PTPRK: variants seen among roughly 807,000 people sequenced by gnomAD.
PTPRK encodes receptor-type tyrosine-protein phosphatase kappa.
A neutral mutation model predicts 178.0 loss-of-function variants in PTPRK; 75 were observed. The observed-to-expected ratio is 0.42, with a 90% CI of 0.35 to 0.51. The LOEUF (loss-of-function observed/expected upper bound fraction) is 0.51. Ranked by LOEUF, PTPRK falls within the 20% of genes least tolerant of loss-of-function variation. The probability of loss-of-function intolerance (pLI) is 0.02; values close to 1 mark genes in which losing one functional copy is unlikely to be tolerated. For missense variants in PTPRK, 1,441 were observed against 1,797.8 expected (o/e 0.80, Z 3.59); for synonymous variants, 637 against 620.6 (o/e 1.03, Z -0.39).
At chr6:128,187,718 A>C (rs1393898512) in intron 6 of PTPRK, among the ~76,000 whole-genome samples, 1 of 152,178 alleles carries the variant, frequency 6.6e-6, no homozygotes, top group Non-Finnish European at 1.5e-5. Flanking sequence ...CAGGCCAAAA[A>C]TGGGGGCAGT....
At chr6:128,320,017 T>C (rs1471407098) in intron 3 of PTPRK, among the ~76,000 whole-genome samples, 1 of 152,196 alleles carries the variant, frequency 6.6e-6, no homozygotes, top group Non-Finnish European at 1.5e-5. Context: ...ATGGCTCAAA[T>C]TTTAATCTGC....
chr6:128,491,008 A>G (rs748306623), intron 1 of PTPRK, among the ~76,000 whole-genome samples: 5 of 152,186 alleles, frequency 3.3e-5, no homozygotes, highest in Non-Finnish European at 5.9e-5. Flanking sequence ...ATACAATCAC[A>G]TTGGGGGTTA....
In PTPRK at chr6:128,005,036, T is replaced by G. The variant is rs374295527; in HGVS notation, c.2494+48A>C. The G allele has an allele frequency of 1.6e-4, 241 of 1,499,058 alleles. No individual in the cohort carries two copies. In the African/African-American group the frequency reaches 2.9e-3, roughly 18 times the overall value. The allele number at this position is 1,499,058 out of a possible 1,614,324, so 92.9% of individuals were successfully genotyped here. ...AAAAGGTATCGTGTAGAATTCAAAG[T>G]GAAATGAGTTGTAACATCATTTATT... On this transcript the variant is annotated intron_variant, in intron 15 of 29. Transcript: ENST00000368226.
intron 7 of PTPRK, among the ~76,000 whole-genome samples, chr6:128,144,878 T>G (rs1184478082): frequency 1.3e-5 from 2 of 152,276 alleles, no homozygotes; most frequent in African/African-American, 4.8e-5. Context: ...TTCATAAATA[T>G]CCATGTGTGG....
intron 7 of PTPRK, among the ~76,000 whole-genome samples, chr6:128,176,658 C>T (rs1283576691): frequency 6.6e-6 from 1 of 151,628 alleles, no homozygotes; most frequent in African/African-American, 2.4e-5. Context: ...TTTTTTTCCC[C>T]TCTGCAGTTT....
At chr6:128,290,319 A>C (rs1478148195) in intron 3 of PTPRK, among the ~76,000 whole-genome samples, 1 of 152,116 alleles carries the variant, frequency 6.6e-6, no homozygotes, top group Non-Finnish European at 1.5e-5. Context: ...CATCCAAAAA[A>C]ACCCACAAAG....
At chr6:128,329,382 A>AACAC (rs149088868) in intron 2 of PTPRK, among the ~76,000 whole-genome samples, 8,330 of 145,606 alleles carry the variant, frequency 0.057, 295 homozygotes, top group South Asian at 0.11. Flanking sequence ...TATATAGATA[A>AACAC]ACACACACAC....
At chr6:128,509,824 G>C (rs144753871) in intron 1 of PTPRK, among the ~76,000 whole-genome samples, 22 of 152,226 alleles carry the variant, frequency 1.4e-4, no homozygotes, top group African/African-American at 5.1e-4. Flanking sequence ...CTCCTGCATA[G>C]ATCTCCAAAG....
chr6:128,053,449 C>T (rs1467655081), intron 13 of PTPRK, among the ~76,000 whole-genome samples: 2 of 152,056 alleles, frequency 1.3e-5, no homozygotes. Flanking sequence ...GACTCCCCAC[C>T]CCCAAGCTCT....
chr6:128,380,824 C>T (rs1837799900), intron 2 of PTPRK, among the ~76,000 whole-genome samples: 3 of 152,166 alleles, frequency 2.0e-5, no homozygotes, highest in Admixed American at 1.3e-4. Context: ...TCGTAGCTAA[C>T]AATCTGGGCA....
intron 1 of PTPRK, among the ~76,000 whole-genome samples, chr6:128,473,261 A>C (rs1406066576): frequency 6.6e-6 from 1 of 152,014 alleles, no homozygotes; most frequent in Non-Finnish European, 1.5e-5. Flanking sequence ...TCATGATGAG[A>C]TTCAGGTAAT....
chr6:128,009,380 A>C, intron 13 of PTPRK, 112 bp from the exon 14 acceptor site: 2 of 939,018 alleles, frequency 2.1e-6, no homozygotes, highest in Non-Finnish European at 3.1e-6. Context: ...TATATTAATA[A>C]AAATAATCCC....
chr6:128,445,687 A>G (rs112260543), intron 1 of PTPRK, among the ~76,000 whole-genome samples: 3,548 of 152,164 alleles, frequency 0.023, 78 homozygotes, highest in African/African-American at 0.059. Flanking sequence ...AAATGTTTTG[A>G]GTTTTCTTGT....
chr6:128,192,964 A>G (rs953097646), intron 6 of PTPRK, among the ~76,000 whole-genome samples: 2 of 151,618 alleles, frequency 1.3e-5, no homozygotes, highest in African/African-American at 4.8e-5. Context: ...GAAGGAAGGA[A>G]AAAACTACGT....
intron 3 of PTPRK, among the ~76,000 whole-genome samples, chr6:128,245,689 C>A (rs1013403853): frequency 3.3e-5 from 5 of 152,104 alleles, no homozygotes; most frequent in Non-Finnish European, 1.5e-5. Flanking sequence ...GGAGGGTGTG[C>A]AATATGTGTG....
intron 17 of PTPRK, among the ~76,000 whole-genome samples, chr6:127,996,181 A>G (rs1777131949): frequency 6.6e-6 from 1 of 152,116 alleles, no homozygotes; most frequent in Non-Finnish European, 1.5e-5. Flanking sequence ...ATAATATCGA[A>G]CAACTGGAGT....
Position 127,976,676 on chromosome 6 carries a change from C to T in PTPRK, c.3950G>A (p.Arg1317Lys). The T allele has an allele frequency of 6.2e-7, 1 of 1,613,938 alleles. No individual in the cohort carries two copies. The highest frequency in any genetic ancestry group is 8.5e-7 in the Non-Finnish European group (1 of 1,179,944). Residue 1317 changes from arginine to lysine, a missense_variant, in exon 27 of 30, where the codon AGG becomes AAG. Arg to Lys is a conservative substitution (Grantham distance 26). Around this residue, in one of 4 missense-constraint regions of PTPRK, gnomAD observed 335 missense variants for 512.4 expected, o/e 0.65. Coordinates refer to ENST00000368226, the MANE Select transcript of PTPRK (RefSeq NM_002844.4). ...ACTTACTCTTGTTAGATTGCATATC[C>T]TAAAAATCCGGTTGATCACATCACA... ...MDCDVINRIFRICNLTRPQEG... is the reference protein window; with the variant it reads ...MDCDVINRIFKICNLTRPQEG...
intron 2 of PTPRK, among the ~76,000 whole-genome samples, chr6:128,338,705 C>G (rs1350904448): frequency 6.6e-6 from 1 of 152,138 alleles, no homozygotes; most frequent in Non-Finnish European, 1.5e-5. Context: ...GCTGCCTCCT[C>G]TTACTCAATA....
At chr6:128,315,567 G>A (rs899609024) in intron 3 of PTPRK, among the ~76,000 whole-genome samples, 4 of 151,982 alleles carry the variant, frequency 2.6e-5, no homozygotes, top group Non-Finnish European at 5.9e-5. Flanking sequence ...ACTATAAATT[G>A]TCCACTAGAT....
Sources: gnomAD v4.1 joint callset for allele counts (sites outside exome capture counted in the v4.1 genomes callset) on GRCh38, gnomAD v4.1.1 for gene constraint, gnomAD v4.1.1 regional missense constraint, MANE v1.5 for transcripts, NCBI Gene and HGNC (gene_info 2026-07-23, HGNC 2026-07-21) for gene names.